The following PDE4B variants were observed in gnomAD, a reference collection of about 807,000 sequenced individuals.
PDE4B encodes 3',5'-cyclic-AMP phosphodiesterase 4B.
In PDE4B, 20 loss-of-function variants were observed where a neutral mutation model predicts 82.2. The observed-to-expected ratio is 0.24, with a 90% CI of 0.17 to 0.35. The LOEUF (loss-of-function observed/expected upper bound fraction) is 0.35, where lower values mean the gene tolerates loss of function less well. Ranked by LOEUF, PDE4B falls within the 10% of genes least tolerant of loss-of-function variation. The pLI is 1.00. For missense variants in PDE4B, 655 were observed against 907.2 expected (o/e 0.72, Z 3.57); for synonymous variants, 320 against 318.9 (o/e 1.00, Z -0.04).
At position 66,374,414 on chromosome 1, in the gene PDE4B, A is replaced by G. The variant is rs1377826719; in HGVS notation, c.*1736A>G. 1 of 138,966 alleles carries G rather than the reference A, an allele frequency of 7.2e-6. No individual in the cohort carries two copies. The highest frequency in any genetic ancestry group is 7.3e-5 in the Admixed American group (1 of 13,628). The allele number at this position is 138,966 out of a possible 1,614,324, so 8.6% of individuals were successfully genotyped here. On this transcript the variant is annotated 3_prime_UTR_variant, in exon 17 of 17. Transcript: ENST00000341517. Reference sequence around the variant, plus strand: ...ATTACAGAAAATGGCACAAATGTGCATGACCAATGTATGTCTATGAACACT... The same window carrying G: ...ATTACAGAAAATGGCACAAATGTGCGTGACCAATGTATGTCTATGAACACT...
chr1:66,255,836 A>G (rs954637790), intron 4 of PDE4B, among the ~76,000 whole-genome samples: 3 of 152,138 alleles, frequency 2.0e-5, no homozygotes, highest in Non-Finnish European at 2.9e-5. Context: ...GATATTTTGT[A>G]TGATTTGATA....
chr1:66,290,738 C>A (rs1430360663), intron 7 of PDE4B, among the ~76,000 whole-genome samples: 1 of 152,158 alleles, frequency 6.6e-6, no homozygotes. Flanking sequence ...TACTAGTATG[C>A]TAGCACTTTA....
chr1:66,045,300 C>G (rs1397244895), intron 3 of PDE4B, among the ~76,000 whole-genome samples: 1 of 151,440 alleles, frequency 6.6e-6, no homozygotes, highest in Non-Finnish European at 1.5e-5. Flanking sequence ...TTTAGAATCT[C>G]AAAGTAGCAC....
chr1:66,241,140 G>A (rs1557654583), intron 3 of PDE4B, among the ~76,000 whole-genome samples: 1 of 152,366 alleles, frequency 6.6e-6, no homozygotes, highest in East Asian at 1.9e-4. Flanking sequence ...GTCTGTGGAA[G>A]GGAAGTCATA....
At chr1:66,195,425 G>A (rs565755480) in intron 3 of PDE4B, among the ~76,000 whole-genome samples, 25 of 152,094 alleles carry the variant, frequency 1.6e-4, no homozygotes, top group Non-Finnish European at 2.1e-4. Flanking sequence ...CTTTCATGGG[G>A]AACAGCCAAA....
At chr1:65,893,234 C>T (rs1646871523) in intron 1 of PDE4B, among the ~76,000 whole-genome samples, 1 of 151,910 alleles carries the variant, frequency 6.6e-6, no homozygotes, top group Non-Finnish European at 1.5e-5. Flanking sequence ...ATGAACATTT[C>T]CTAAATTTAT....
chr1:65,976,233 T>A (rs893647221), intron 3 of PDE4B, among the ~76,000 whole-genome samples: 5 of 152,152 alleles, frequency 3.3e-5, no homozygotes, highest in Non-Finnish European at 7.3e-5. Context: ...AGGACATTAT[T>A]TTGCAGCTTT....
intron 1 of PDE4B, among the ~76,000 whole-genome samples, chr1:65,795,578 T>C (rs916648399): frequency 6.6e-6 from 1 of 152,202 alleles, no homozygotes; most frequent in African/African-American, 2.4e-5. Flanking sequence ...TCTTCAGGGA[T>C]TGCCTGAGCT....
chr1:65,799,036 A>C (rs950764114), intron 1 of PDE4B, among the ~76,000 whole-genome samples: 1 of 152,216 alleles, frequency 6.6e-6, no homozygotes, highest in Non-Finnish European at 1.5e-5. Flanking sequence ...AAATGACATT[A>C]TTTCCATAAG....
chr1:66,010,319 T>C (rs902188190), intron 3 of PDE4B, among the ~76,000 whole-genome samples: 2 of 151,520 alleles, frequency 1.3e-5, no homozygotes, highest in African/African-American at 4.8e-5. Flanking sequence ...TAAAAAATAT[T>C]ATATAAAATT....
intron 3 of PDE4B, among the ~76,000 whole-genome samples, chr1:66,192,065 T>C (rs1647858303): frequency 6.6e-6 from 1 of 152,100 alleles, no homozygotes; most frequent in Non-Finnish European, 1.5e-5. Flanking sequence ...AATAAGATGA[T>C]AATAAAATGA....
chr1:66,266,907 T>C (rs1316196550), intron 7 of PDE4B: 2 of 311,016 alleles, frequency 6.4e-6, no homozygotes, highest in Admixed American at 9.1e-5. Flanking sequence ...CACACTGAGA[T>C]CACCTAATGC....
intron 3 of PDE4B, among the ~76,000 whole-genome samples, chr1:66,186,930 T>C (rs7513521): frequency 0.37 from 56,523 of 151,978 alleles, 13,321 homozygotes; most frequent in Non-Finnish European, 0.52. Context: ...AAGGGAATCC[T>C]TCCAGTTTGT....
chr1:65,940,793 G>A (rs375947615), intron 3 of PDE4B, among the ~76,000 whole-genome samples: 54 of 152,140 alleles, frequency 3.5e-4, no homozygotes, highest in African/African-American at 1.2e-3. Flanking sequence ...AAGTGTTGAT[G>A]GCTATAGGAA....
In PDE4B at chr1:66,129,617, G is replaced by A. The variant is rs1190186716; in HGVS notation, c.282-117843G>A. On this transcript the variant is annotated intron_variant, in intron 3 of 16. Coordinates refer to ENST00000341517, the MANE Select transcript of PDE4B (RefSeq NM_002600.4). The stretch of plus-strand genomic sequence containing the variant: ...GGAGCTTGCAGTGAGCCGAGATCCC[G>A]CCACTGCACTCCAGCCTGGGCGACA... Among the ~76,000 whole-genome samples, 3 of 136,608 alleles carry A rather than the reference G, an allele frequency of 2.2e-5. No homozygotes were observed. In the East Asian group the frequency reaches 6.8e-4, roughly 31 times the overall value. The allele number at this position is 136,608 out of a possible 152,430, so 89.6% of individuals were successfully genotyped here.
intron 3 of PDE4B, among the ~76,000 whole-genome samples, chr1:66,033,009 G>A (rs562602907): frequency 6.8e-4 from 103 of 152,014 alleles, no homozygotes; most frequent in African/African-American, 2.2e-3. Context: ...TCTCTCCCTC[G>A]CTTCCTTCTC....
At chr1:65,885,949 A>G (rs1185334689) in intron 1 of PDE4B, among the ~76,000 whole-genome samples, 8 of 150,754 alleles carry the variant, frequency 5.3e-5, no homozygotes, top group Non-Finnish European at 1.0e-4. Flanking sequence ...CTAATAAGAC[A>G]GCCACTAGCC....
intron 3 of PDE4B, among the ~76,000 whole-genome samples, chr1:65,964,061 C>A (rs190120397): frequency 3.9e-5 from 6 of 152,226 alleles, no homozygotes; most frequent in African/African-American, 1.4e-4. Context: ...AATATTTCCT[C>A]TGAACTTTCT....
In PDE4B at chr1:66,018,923, A is replaced by C. The variant is rs373692015; in HGVS notation, c.281+100088A>C. On this transcript the variant is annotated intron_variant, in intron 3 of 16. Coordinates refer to ENST00000341517, the MANE Select transcript of PDE4B (RefSeq NM_002600.4). ...ACTACAAGATATAATAACTACCATAATTTTATATTTTATAATGATAAAACT... is the reference window on the plus strand; with the variant it reads ...ACTACAAGATATAATAACTACCATACTTTTATATTTTATAATGATAAAACT... 5.3e-5 allele frequency among the ~76,000 whole-genome samples: 8 copies of C among 152,182 alleles called. No individual in the cohort carries two copies. The East Asian group carries it at 1.3e-3, about 26-fold the overall frequency.
Sources: allele counts gnomAD v4.1 joint callset (sites outside exome capture counted in the v4.1 genomes callset), GRCh38; gene constraint gnomAD v4.1.1; transcripts MANE v1.5; gene names NCBI Gene and HGNC (gene_info 2026-07-23, HGNC 2026-07-21).